The following LRRFIP1 variants were observed in gnomAD, a reference collection of about 807,000 sequenced individuals.
The protein encoded by LRRFIP1 is leucine-rich repeat flightless-interacting protein 1.
Under a neutral mutation model 104.4 loss-of-function variants are expected in LRRFIP1, and 62 were observed. The observed-to-expected ratio is 0.59, with a 90% CI of 0.48 to 0.73. The LOEUF is 0.73. Ranked by LOEUF, LRRFIP1 falls within the 30% of genes least tolerant of loss-of-function variation. The pLI, the probability that LRRFIP1 is intolerant of heterozygous loss-of-function variation, is 0.00. For synonymous variants in LRRFIP1, 300 were observed against 299.0 expected (o/e 1.00, Z -0.03); for missense variants, 796 against 824.5 (o/e 0.97, Z 0.42).
At position 237,627,599 on chromosome 2, in the gene LRRFIP1, G is replaced by A; in HGVS notation, c.-46G>A. ...CCGGGGCCGGGCCGGGGCGGCGCGA[G>A]CGGCTGGAGCAACGGGCCCCGCGGC... On this transcript the variant is annotated 5_prime_UTR_variant, in exon 1 of 24. Coordinates refer to ENST00000308482, the MANE Select transcript of LRRFIP1 (RefSeq NM_001137550.2). The A allele has an allele frequency of 8.9e-7, 1 of 1,126,798 alleles. No homozygotes were observed. The highest frequency in any genetic ancestry group is 1.1e-6 in the Non-Finnish European group (1 of 904,086). The allele number at this position is 1,126,798 out of a possible 1,614,324, so 69.8% of individuals were successfully genotyped here.
intron 1 of LRRFIP1, among the ~76,000 whole-genome samples, chr2:237,687,647 A>G (rs1290279801): frequency 6.6e-6 from 1 of 152,054 alleles, no homozygotes; most frequent in Non-Finnish European, 1.5e-5. Context: ...ATAAAGCAAT[A>G]ACATGAATGT....
rs576248767 is a variant in LRRFIP1, at chr2:237,761,838, G to A, written c.1459+1633G>A. Among the ~76,000 whole-genome samples, 20 of 152,172 alleles carry A rather than the reference G, an allele frequency of 1.3e-4. No homozygotes were observed. In the South Asian group the frequency reaches 3.1e-3, roughly 24 times the overall value. On this transcript the variant is annotated intron_variant, in intron 19 of 23. Transcript: ENST00000308482. ...CATAGTACCATATCTAATCTGCTGG[G>A]GTTTTGTTTGGAGAGTCCAAAAATT...
In LRRFIP1 at chr2:237,703,071, AC is replaced by A. The variant is rs1291688870; in HGVS notation, c.97-5471del. ...GTTGGCTCCTGTAGGGTGGGGACAG[AC>A]CAGCCCCCATGAACCCTAGCGAGGG... On this transcript the variant is annotated intron_variant, in intron 1 of 23. Transcript: ENST00000308482. This position sits in a 1 kb window ranked among gnomAD's most constrained non-coding sequence, Gnocchi z 4.3. Among the ~76,000 whole-genome samples the A allele has an allele frequency of 6.6e-6, 1 of 152,146 alleles. No homozygotes were observed. The highest frequency in any genetic ancestry group is 6.6e-5 in the Admixed American group (1 of 15,264).
intron 6 of LRRFIP1, among the ~76,000 whole-genome samples, chr2:237,722,816 C>T (rs1039553958): frequency 2.0e-5 from 3 of 152,186 alleles, no homozygotes; most frequent in Admixed American, 2.0e-4. Context: ...GCCTGCTGCT[C>T]AGGGCCCTGG....
chr2:237,771,566 GC>G lies in LRRFIP1; in HGVS notation c.1510-512del, dbSNP rs1305976663. On this transcript the variant is annotated intron_variant, in intron 20 of 23. Coordinates refer to ENST00000308482, the MANE Select transcript of LRRFIP1 (RefSeq NM_001137550.2). ...CTGGAACCAATCCCCCCCCCCCCCCGCCCAGATACCAAGGGACAACTGGACA... is the reference window on the plus strand; with the variant it reads ...CTGGAACCAATCCCCCCCCCCCCCCGCCAGATACCAAGGGACAACTGGACA... Among the ~76,000 whole-genome samples the G allele has an allele frequency of 9.3e-4, 53 of 57,228 alleles. 1 individual carries two copies. The highest frequency in any genetic ancestry group is 3.7e-3 in the African/African-American group (45 of 12,300). 37.5% of individuals were successfully genotyped at this position (57,228 alleles called of 152,430 possible).
chr2:237,736,726 G>A (rs1001558738), intron 10 of LRRFIP1, among the ~76,000 whole-genome samples: 7 of 152,188 alleles, frequency 4.6e-5, no homozygotes, highest in African/African-American at 1.4e-4. Flanking sequence ...AAGAAAACAG[G>A]AGGTCATCTT....
intron 2 of LRRFIP1, 104 bp downstream of exon 2, chr2:237,708,734 A>G (rs764876304): frequency 2.3e-6 from 3 of 1,276,742 alleles, no homozygotes; most frequent in African/African-American, 1.5e-5. Flanking sequence ...TGGCTGTCTC[A>G]CGTTGCTCAC....
chr2:237,771,237 C>T (rs1461463584), intron 20 of LRRFIP1, among the ~76,000 whole-genome samples: 3 of 150,688 alleles, frequency 2.0e-5, no homozygotes, highest in Non-Finnish European at 2.9e-5. Context: ...TCCAACTATA[C>T]GGTCAGCCCT....
rs772356694 is a variant in LRRFIP1, at chr2:237,758,750, T to C, written c.1246T>C (p.Phe416Leu). 3.1e-6 allele frequency: 5 copies of C among 1,612,996 alleles called. No homozygotes were observed. In the South Asian group the frequency reaches 5.5e-5, roughly 18 times the overall value. ...KIGALERQKE[F>L]FDSVRSERDD... is the part of the protein sequence containing the mutation. ...TCAGGCATTAGAGAGGCAGAAAGAGTTCTTTGATTCCGTAAGGAGTGAACG... is the reference window on the plus strand; with the variant it reads ...TCAGGCATTAGAGAGGCAGAAAGAGCTCTTTGATTCCGTAAGGAGTGAACG... Residue 416 changes from phenylalanine (F) to leucine (L), a missense_variant, in exon 18 of 24, where the codon TTC becomes CTC. Physicochemically the swap from Phe to Leu is conservative, Grantham distance 22. Transcript: ENST00000308482.
At chr2:237,731,621 G>T (rs1336441763) in intron 8 of LRRFIP1, among the ~76,000 whole-genome samples, 1 of 152,114 alleles carries the variant, frequency 6.6e-6, no homozygotes, top group East Asian at 1.9e-4. Context: ...GTTGCAGAGG[G>T]CACTTAGTCA....
intron 8 of LRRFIP1, among the ~76,000 whole-genome samples, chr2:237,730,642 G>A (rs1245240519): frequency 6.6e-6 from 1 of 152,236 alleles, no homozygotes; most frequent in Non-Finnish European, 1.5e-5. Flanking sequence ...GAAGGGCCAG[G>A]TGTGGTGGCT....
chr2:237,647,742 A>G (rs7596949), intron 1 of LRRFIP1, among the ~76,000 whole-genome samples: 710 of 28,002 alleles, frequency 0.025, 8 homozygotes, highest in South Asian at 0.04. Flanking sequence ...AGGGAGCAGG[A>G]GCAGGGTCAC....
At chr2:237,734,342 A>G (rs1018194674) in intron 9 of LRRFIP1, among the ~76,000 whole-genome samples, 2 of 130,476 alleles carry the variant, frequency 1.5e-5, no homozygotes, top group South Asian at 2.4e-4. Flanking sequence ...GTGCAAGGGC[A>G]CGATCTCGGC....
At position 237,720,166 on chromosome 2, in the gene LRRFIP1, C is replaced by T. The variant is rs374734544; in HGVS notation, c.294+599C>T. 5.8e-4 allele frequency among the ~76,000 whole-genome samples: 88 copies of T among 152,144 alleles called. 1 individual carries two copies. Among genetic ancestry groups the T allele is most frequent in the African/African-American group, 2.1e-3 (87 of 41,508 alleles). The stretch of plus-strand genomic sequence containing the variant: ...TTCCCTATGTTGCCCAATCCGGTCT[C>T]GAACTCCTGGGCTCAAGTGATCTGC... On this transcript the variant is annotated intron_variant, in intron 5 of 23. Coordinates refer to ENST00000308482, the MANE Select transcript of LRRFIP1 (RefSeq NM_001137550.2).
At chr2:237,720,647 G>A (rs908159039) in intron 5 of LRRFIP1, 125 bp from the exon 6 acceptor site, 1 of 756,088 alleles carries the variant, frequency 1.3e-6, no homozygotes, top group Non-Finnish European at 2.4e-6. Context: ...ATGTCCAGGG[G>A]TGGCTGGCCC....
rs2059243509 is a variant in LRRFIP1, at chr2:237,756,152, A to G, written c.1096A>G (p.Lys366Glu). 1.2e-6 allele frequency: 2 copies of G among 1,613,952 alleles called. No homozygotes were observed. Among genetic ancestry groups the G allele is most frequent in the African/African-American group, 1.3e-5 (1 of 74,934 alleles). The change falls in exon 16 of 24, where the codon AAG becomes GAG. Residue 366 changes from lysine (K) to glutamate (E), a missense_variant. Coordinates refer to ENST00000308482, the MANE Select transcript of LRRFIP1 (RefSeq NM_001137550.2). ...ACTGCAATTTCAGTTTGCTGAAGTC[A>G]AGGAGGCCCTGAAGCAAAGAGAGGA... is the stretch of plus-strand genomic sequence containing the variant. ...SILQFQFAEV[K>E]EALKQREEML...
At chr2:237,722,663 A>C (rs2094574510) in intron 6 of LRRFIP1, among the ~76,000 whole-genome samples, 1 of 152,200 alleles carries the variant, frequency 6.6e-6, no homozygotes, top group Non-Finnish European at 1.5e-5. Context: ...CAGGTACTTG[A>C]TCTGAAGAAA....
intron 4 of LRRFIP1, among the ~76,000 whole-genome samples, chr2:237,718,034 G>A (rs2094406151): frequency 1.3e-5 from 2 of 152,226 alleles, no homozygotes; most frequent in South Asian, 2.1e-4. Flanking sequence ...GGTCTTGCCT[G>A]TTTGGTAGCC....
intron 11 of LRRFIP1, among the ~76,000 whole-genome samples, chr2:237,741,991 C>T (rs2057152956): frequency 6.6e-6 from 1 of 152,134 alleles, no homozygotes; most frequent in Non-Finnish European, 1.5e-5. Context: ...TTTTGTTAAG[C>T]ATTGTCTTTA....
Sources: gnomAD v4.1 joint callset for allele counts (sites outside exome capture counted in the v4.1 genomes callset) on GRCh38, gnomAD v4.1.1 for gene constraint, Gnocchi (gnomAD v3.1) non-coding constraint, MANE v1.5 for transcripts, NCBI Gene and HGNC (gene_info 2026-07-23, HGNC 2026-07-21) for gene names.